The following DPYD variants were observed in gnomAD, a reference collection of about 807,000 sequenced individuals.
DPYD encodes dihydropyrimidine dehydrogenase [NADP(+)].
DPYD carries 109 observed loss-of-function variants against 116.2 expected under a neutral mutation model. The ratio of observed to expected loss-of-function variants is 0.94; its 90% CI spans 0.80 to 1.10. The LOEUF is 1.10. DPYD is among the 50% of genes least tolerant of loss of function. DPYD has a pLI of 0.00. For synonymous variants in DPYD, 440 were observed against 432.0 expected, an observed-to-expected ratio of 1.02 and a Z score of -0.23; for missense variants, 1,302 against 1,254.5, an observed-to-expected ratio of 1.04 and a Z score of -0.57.
chr1:97,594,443 C>T (rs536566911), intron 9 of DPYD, among the ~76,000 whole-genome samples: 6 of 152,248 alleles, frequency 3.9e-5, no homozygotes, highest in Non-Finnish European at 7.4e-5. Context: ...AAGTTTGTAT[C>T]ATTTCTACAT....
At chr1:97,174,817 T>C (rs1657131925) in intron 20 of DPYD, among the ~76,000 whole-genome samples, 1 of 152,190 alleles carries the variant, frequency 6.6e-6, no homozygotes, top group African/African-American at 2.4e-5. Context: ...ATTTTAAGTA[T>C]ACAGTTACAC....
rs527499117 is a variant in DPYD, at chr1:97,772,198, T to A, written c.234-31719A>T. On this transcript the variant is annotated intron_variant, in intron 3 of 22. Transcript: ENST00000370192. ...AGAAAATAAGACAAGACTCTCAATTTTGCCACTCAGCATCCTCTGTATTCA... is the reference window on the plus strand; with the variant it reads ...AGAAAATAAGACAAGACTCTCAATTATGCCACTCAGCATCCTCTGTATTCA... Among the ~76,000 whole-genome samples, 4 of 152,306 alleles carry A rather than the reference T, an allele frequency of 2.6e-5. No individual in the cohort carries two copies. The South Asian group carries it at 8.3e-4, about 32-fold the overall frequency.
chr1:97,892,087 AAAT>A lies in DPYD; in HGVS notation c.40-8716_40-8714del, dbSNP rs909433409. Among the ~76,000 whole-genome samples the A allele has an allele frequency of 1.6e-3, 241 of 151,820 alleles. 1 individual carries two copies. The highest frequency in any genetic ancestry group is 5.6e-3 in the African/African-American group (233 of 41,490). On this transcript the variant is annotated intron_variant, in intron 1 of 22. Coordinates refer to ENST00000370192, the MANE Select transcript of DPYD (RefSeq NM_000110.4). ...CTACTTTCCAATGCATCAAGTAAAC[AAAT>A]AATAATAATAATAAACATGTTTTTC... is the stretch of plus-strand genomic sequence containing the variant.
At chr1:97,128,440 C>T (rs2101660748) in intron 20 of DPYD, among the ~76,000 whole-genome samples, 1 of 152,240 alleles carries the variant, frequency 6.6e-6, no homozygotes, top group Middle Eastern at 3.4e-3. Flanking sequence ...TTAGAGTTAT[C>T]CGTGCCTAAT....
intron 16 of DPYD, among the ~76,000 whole-genome samples, chr1:97,371,139 T>C (rs1671292554): frequency 6.6e-6 from 1 of 152,052 alleles, no homozygotes; most frequent in African/African-American, 2.4e-5. Flanking sequence ...ATTACTTAGG[T>C]ACAAAGGCAG....
At chr1:97,491,150 A>G (rs1678952496) in intron 13 of DPYD, among the ~76,000 whole-genome samples, 1 of 147,866 alleles carries the variant, frequency 6.8e-6, no homozygotes, top group Admixed American at 6.8e-5. Context: ...TAATATAGAT[A>G]CTACATAATA....
At chr1:97,405,125 C>T (rs1313812747) in intron 14 of DPYD, among the ~76,000 whole-genome samples, 3 of 151,786 alleles carry the variant, frequency 2.0e-5, no homozygotes, top group African/African-American at 7.3e-5. Context: ...ATTCATTGGA[C>T]TTATATATAG....
At chr1:97,345,367 C>T (rs1158010115) in intron 16 of DPYD, among the ~76,000 whole-genome samples, 1 of 151,768 alleles carries the variant, frequency 6.6e-6, no homozygotes, top group Non-Finnish European at 1.5e-5. Context: ...CTTTTCTTCA[C>T]TCAACAAAAT....
At chr1:97,842,983 C>T (rs1670110639) in intron 2 of DPYD, among the ~76,000 whole-genome samples, 1 of 152,076 alleles carries the variant, frequency 6.6e-6, no homozygotes, top group African/African-American at 2.4e-5. Context: ...TCTGTACTCA[C>T]TGGAGATGGA....
chr1:97,837,793 G>A lies in DPYD; in HGVS notation c.151-9597C>T, dbSNP rs61787779. 5.3e-4 allele frequency among the ~76,000 whole-genome samples: 81 copies of A among 152,172 alleles called. No homozygotes were observed. In the Middle Eastern group the frequency reaches 0.017, roughly 32 times the overall value. ...AAACCAAATGCTTGAATGTGATAAT[G>A]ACTTTTTAAAAATATTAATTAGGTA... On this transcript the variant is annotated intron_variant, in intron 2 of 22. Coordinates refer to ENST00000370192, the MANE Select transcript of DPYD (RefSeq NM_000110.4).
intron 16 of DPYD, among the ~76,000 whole-genome samples, chr1:97,359,659 A>G (rs1044108742): frequency 2.0e-5 from 3 of 152,208 alleles, no homozygotes; most frequent in African/African-American, 7.2e-5. Flanking sequence ...AATATACAAC[A>G]TTCTTAAAGA....
At chr1:97,679,275 A>G in intron 7 of DPYD, 93 bp from the exon 8 acceptor site, 1 of 669,760 alleles carries the variant, frequency 1.5e-6, no homozygotes, top group Non-Finnish European at 2.6e-6. Context: ...AGTCAGCCAA[A>G]AATTCTATGA....
At chr1:97,615,925 G>T (rs967937450) in intron 8 of DPYD, among the ~76,000 whole-genome samples, 2 of 151,912 alleles carry the variant, frequency 1.3e-5, no homozygotes, top group Non-Finnish European at 2.9e-5. Context: ...CCTCTGACTG[G>T]CATGCCCTTC....
Position 97,920,982 on chromosome 1 carries a change from A to T in DPYD, c.-60T>A, listed in dbSNP as rs2101728406. ...AACCCTCCTTGCGTCCTCAAGCTCCAGCCAGAGAGCCAAGTGACAGCAGCC... is the reference window on the plus strand; with the variant it reads ...AACCCTCCTTGCGTCCTCAAGCTCCTGCCAGAGAGCCAAGTGACAGCAGCC... On this transcript the variant is annotated 5_prime_UTR_variant, in exon 1 of 23. Transcript: ENST00000370192. 7 of 1,548,908 alleles carry T rather than the reference A, an allele frequency of 4.5e-6. No individual in the cohort carries two copies. Among genetic ancestry groups the T allele is most frequent in the Non-Finnish European group, 6.1e-6 (7 of 1,144,008 alleles).
At chr1:97,683,935 G>GAT (rs1660566907) in intron 7 of DPYD, among the ~76,000 whole-genome samples, 1 of 152,098 alleles carries the variant, frequency 6.6e-6, no homozygotes. Flanking sequence ...TGCTGACAAA[G>GAT]ATTTTTCTGA....
chr1:97,720,712 C>A, intron 5 of DPYD: 1 of 1,409,466 alleles, frequency 7.1e-7, no homozygotes, highest in South Asian at 1.7e-5. Flanking sequence ...AACTAAAAAT[C>A]TAGGTTGACG....
intron 19 of DPYD, among the ~76,000 whole-genome samples, chr1:97,211,025 A>G (rs1008375896): frequency 2.0e-5 from 3 of 152,142 alleles, no homozygotes; most frequent in African/African-American, 7.2e-5. Context: ...TAAATTAATT[A>G]TCTACACGAC....
intron 14 of DPYD, among the ~76,000 whole-genome samples, chr1:97,394,573 G>A (rs1055566485): frequency 5.3e-5 from 8 of 152,110 alleles, no homozygotes; most frequent in Non-Finnish European, 8.8e-5. Context: ...CATAACAGGT[G>A]TAGCAATAAT....
intron 21 of DPYD, among the ~76,000 whole-genome samples, chr1:97,084,095 C>T (rs1219142747): frequency 6.6e-6 from 1 of 152,078 alleles, no homozygotes; most frequent in East Asian, 1.9e-4. Flanking sequence ...AAGACACAGA[C>T]TAAATTTCTC....
Sources: gnomAD v4.1 joint callset for allele counts (sites outside exome capture counted in the v4.1 genomes callset) on GRCh38, gnomAD v4.1.1 for gene constraint, MANE v1.5 for transcripts, NCBI Gene and HGNC (gene_info 2026-07-23, HGNC 2026-07-21) for gene names.